The following SOX6 variants were observed in gnomAD, a reference collection of about 807,000 sequenced individuals.
The protein encoded by SOX6 is transcription factor SOX-6.
SOX6 carries 11 observed loss-of-function variants against 97.8 expected under a neutral mutation model. The ratio of observed to expected loss-of-function variants is 0.11; its 90% CI spans 0.07 to 0.19. The LOEUF (loss-of-function observed/expected upper bound fraction) is 0.19. Ranked by LOEUF, SOX6 falls within the 10% of genes least tolerant of loss-of-function variation. SOX6 has a pLI of 1.00. For missense variants in SOX6, 810 were observed against 1,039.5 expected (o/e 0.78, Z 3.04); for synonymous variants, 360 against 371.4 (o/e 0.97, Z 0.35).
intron 9 of SOX6, among the ~76,000 whole-genome samples, chr11:16,069,111 T>C (rs953312015): frequency 6.6e-6 from 1 of 152,188 alleles, no homozygotes; most frequent in African/African-American, 2.4e-5. Flanking sequence ...TTCTGTCTTC[T>C]TACAGTTATA....
chr11:16,012,745 C>G (rs533948650), intron 13 of SOX6, among the ~76,000 whole-genome samples: 3 of 151,786 alleles, frequency 2.0e-5, no homozygotes, highest in Non-Finnish European at 4.4e-5. Context: ...TGGCTCATAG[C>G]GAGTAATTTA....
At chr11:16,052,502 C>T (rs887438778) in intron 10 of SOX6, among the ~76,000 whole-genome samples, 4 of 152,126 alleles carry the variant, frequency 2.6e-5, no homozygotes, top group Non-Finnish European at 5.9e-5. Flanking sequence ...TCATTTGGCT[C>T]TAGTTGCAAG....
intron 4 of SOX6, among the ~76,000 whole-genome samples, chr11:16,497,688 G>A (rs755786619): frequency 5.3e-5 from 8 of 152,110 alleles, no homozygotes; most frequent in South Asian, 4.1e-4. Flanking sequence ...CTAAGTAGCC[G>A]ATTTGATCAA....
chr11:16,200,606 G>A (rs1018212832), intron 4 of SOX6, among the ~76,000 whole-genome samples: 5 of 152,136 alleles, frequency 3.3e-5, no homozygotes, highest in African/African-American at 9.7e-5. Flanking sequence ...TGTTTAAAGT[G>A]TTGTGATTCC....
At chr11:16,692,543 A>G (rs189152876) in intron 3 of SOX6, among the ~76,000 whole-genome samples, 1 of 152,274 alleles carries the variant, frequency 6.6e-6, no homozygotes, top group Admixed American at 6.5e-5. Flanking sequence ...ACTTACATAA[A>G]CACAAAACAA....
intron 4 of SOX6, among the ~76,000 whole-genome samples, chr11:16,524,000 C>A (rs1861114586): frequency 1.3e-5 from 2 of 152,112 alleles, no homozygotes; most frequent in South Asian, 2.1e-4. Context: ...AATAGCTTAC[C>A]AACCAAAAGA....
intron 3 of SOX6, among the ~76,000 whole-genome samples, chr11:16,632,025 T>C (rs1251427993): frequency 1.3e-5 from 2 of 152,226 alleles, no homozygotes; most frequent in Non-Finnish European, 2.9e-5. Context: ...TTGTCTTGGA[T>C]CTCATTGAGC....
chr11:16,183,782 G>T, intron 6 of SOX6, 104 bp downstream of exon 6: 1 of 959,936 alleles, frequency 1.0e-6, no homozygotes, highest in Non-Finnish European at 1.7e-6. Flanking sequence ...CAGCCTTATT[G>T]GTGCTGTTTA....
intron 3 of SOX6, among the ~76,000 whole-genome samples, chr11:16,619,802 T>G (rs1848518157): frequency 6.6e-6 from 1 of 152,108 alleles, no homozygotes. Flanking sequence ...ATAAAATAAT[T>G]ACTTGTCCTT....
chr11:16,461,135 A>G (rs964751921), intron 1 of SOX6, among the ~76,000 whole-genome samples: 59 of 152,238 alleles, frequency 3.9e-4, no homozygotes, highest in African/African-American at 1.3e-3. Context: ...TTTCCCTCTG[A>G]CTTTTCAAAA....
In SOX6 at chr11:16,112,170, A is replaced by G. The variant is rs559893562; in HGVS notation, c.778-247T>C. 3.9e-5 allele frequency among the ~76,000 whole-genome samples: 6 copies of G among 152,262 alleles called. No homozygotes were observed. The South Asian group carries it at 1.2e-3, about 32-fold the overall frequency. ...CCCTGCTTCCACCGAACTGTAGTTA[A>G]TGGTTTTCTTTTCTCTTGACTTTTT... On this transcript the variant is annotated intron_variant, in intron 6 of 15. Coordinates refer to ENST00000683767, the MANE Select transcript of SOX6 (RefSeq NM_001367873.1).
At chr11:16,464,403 A>G (rs1859988545) in intron 1 of SOX6, among the ~76,000 whole-genome samples, 1 of 151,996 alleles carries the variant, frequency 6.6e-6, no homozygotes, top group African/African-American at 2.4e-5. Context: ...GTACTATCAC[A>G]CAACTCAGCA....
chr11:16,144,424 A>G (rs1850234256), intron 6 of SOX6, among the ~76,000 whole-genome samples: 1 of 152,228 alleles, frequency 6.6e-6, no homozygotes, highest in African/African-American at 2.4e-5. Context: ...GGACACCCTA[A>G]CATCACAATT....
chr11:16,117,221 G>A (rs976780320), intron 6 of SOX6, among the ~76,000 whole-genome samples: 2 of 151,802 alleles, frequency 1.3e-5, no homozygotes, highest in Admixed American at 1.3e-4. Context: ...GGCATGGTGG[G>A]GTGTGCCTGT....
rs984520384 is a variant in SOX6, at chr11:16,186,226, G to A, written c.708+557C>T. ...CCTATGCTATAAATAGTGACCATGTGATGTATCATCCAAACCAAGAAAACT... is the reference window on the plus strand; with the variant it reads ...CCTATGCTATAAATAGTGACCATGTAATGTATCATCCAAACCAAGAAAACT... On this transcript the variant is annotated intron_variant, in intron 5 of 15. Transcript: ENST00000683767. 8.5e-5 allele frequency among the ~76,000 whole-genome samples: 13 copies of A among 152,250 alleles called. 1 individual carries two copies. The highest frequency in any genetic ancestry group is 7.8e-4 in the Admixed American group (12 of 15,290).
chr11:16,198,324 C>A (rs1383663074), intron 4 of SOX6, among the ~76,000 whole-genome samples: 1 of 149,894 alleles, frequency 6.7e-6, no homozygotes, highest in Non-Finnish European at 1.5e-5. Context: ...GATCCACCCA[C>A]CTTGGCCTCC....
intron 1 of SOX6, among the ~76,000 whole-genome samples, chr11:16,370,321 T>C (rs1857468394): frequency 6.6e-6 from 1 of 152,158 alleles, no homozygotes; most frequent in Non-Finnish European, 1.5e-5. Context: ...AAATCCCAAG[T>C]ATTTGAACAA....
chr11:16,506,650 T>C (rs1051117120), intron 4 of SOX6, among the ~76,000 whole-genome samples: 4 of 152,204 alleles, frequency 2.6e-5, no homozygotes, highest in Non-Finnish European at 5.9e-5. Flanking sequence ...CCAAATCTCA[T>C]GTCGAATTGT....
chr11:16,514,575 T>G (rs1330942781), intron 4 of SOX6, among the ~76,000 whole-genome samples: 1 of 152,086 alleles, frequency 6.6e-6, no homozygotes, highest in Non-Finnish European at 1.5e-5. Flanking sequence ...CTTTAAGTTT[T>G]AGGGTACATG....
Sources: gnomAD v4.1 joint callset for allele counts (sites outside exome capture counted in the v4.1 genomes callset) on GRCh38, gnomAD v4.1.1 for gene constraint, MANE v1.5 for transcripts, NCBI Gene and HGNC (gene_info 2026-07-23, HGNC 2026-07-21) for gene names.